The following DIAPH1 variants were observed in gnomAD, a reference collection of about 807,000 sequenced individuals.
DIAPH1 encodes the protein protein diaphanous homolog 1.
Under a neutral mutation model 140.7 loss-of-function variants are expected in DIAPH1, and 46 were observed. That is an observed-to-expected ratio of 0.33 (90% CI 0.26 to 0.42). The LOEUF (loss-of-function observed/expected upper bound fraction) is 0.42. DIAPH1 is among the 10% of genes least tolerant of loss of function. The pLI is 1.00. For missense variants in DIAPH1, 1,310 were observed against 1,558.7 expected (o/e 0.84, Z 2.69); for synonymous variants, 565 against 551.6 (o/e 1.02, Z -0.34).
chr5:141,552,937 C>T (rs1441927437), intron 18 of DIAPH1, among the ~76,000 whole-genome samples: 1 of 152,208 alleles, frequency 6.6e-6, no homozygotes, highest in Non-Finnish European at 1.5e-5. Context: ...TTAAGCTACT[C>T]AGTCTGTGGC....
intron 1 of DIAPH1, among the ~76,000 whole-genome samples, chr5:141,608,168 G>A (rs768304677): frequency 2.6e-5 from 4 of 152,182 alleles, no homozygotes; most frequent in Non-Finnish European, 4.4e-5. Flanking sequence ...AGCTGGGCCC[G>A]GTGGCCTGTG....
At chr5:141,575,592 T>C (rs1241703266) in intron 14 of DIAPH1, among the ~76,000 whole-genome samples, 2 of 151,506 alleles carry the variant, frequency 1.3e-5, no homozygotes, top group Admixed American at 1.3e-4. Context: ...GAGGTTGCAG[T>C]GAGCCGAGAT....
At chr5:141,589,861 G>A (rs2099898129) in intron 1 of DIAPH1, among the ~76,000 whole-genome samples, 1 of 151,898 alleles carries the variant, frequency 6.6e-6, no homozygotes, top group African/African-American at 2.4e-5. Flanking sequence ...TCTTCATCCT[G>A]CCTAATTTTA....
rs189630171 is a variant in DIAPH1 at position 141,530,971 on chromosome 5, T to A, written c.2582-1274A>T. Among the ~76,000 whole-genome samples the A allele has an allele frequency of 5.2e-3, 798 of 152,344 alleles. 4 individuals carry two copies. The highest frequency in any genetic ancestry group is 8.1e-3 in the Non-Finnish European group (548 of 68,028). ...ATCATATATACATAATCAAGTTTTT[T>A]AAATCTTACTCAATGTTCCTCTCTA... On this transcript the variant is annotated intron_variant, in intron 19 of 27. Transcript: ENST00000389054.
intron 18 of DIAPH1, among the ~76,000 whole-genome samples, chr5:141,566,779 C>T (rs1257320872): frequency 6.6e-6 from 1 of 152,138 alleles, no homozygotes; most frequent in Non-Finnish European, 1.5e-5. Context: ...CCTGTAATCC[C>T]AGCTACTCGG....
At chr5:141,585,819 T>C (rs2099897460) in intron 3 of DIAPH1, among the ~76,000 whole-genome samples, 1 of 152,096 alleles carries the variant, frequency 6.6e-6, no homozygotes, top group Non-Finnish European at 1.5e-5. Context: ...TAAATGAAAA[T>C]TGAGAATACC....
intron 18 of DIAPH1, among the ~76,000 whole-genome samples, chr5:141,535,894 A>G (rs1290140749): frequency 6.6e-6 from 1 of 152,228 alleles, no homozygotes; most frequent in East Asian, 1.9e-4. Context: ...TTTTGAACAC[A>G]ACCTTTTTAT....
rs756075138 is a variant in DIAPH1, at chr5:141,527,749, CTAA to C, written c.3149-55_3149-53del. The C allele has an allele frequency of 5.3e-6, 8 of 1,499,194 alleles. No individual in the cohort carries two copies. In the South Asian group the frequency reaches 1.0e-4, roughly 19 times the overall value. The allele number at this position is 1,499,194 out of a possible 1,614,324, so 92.9% of individuals were successfully genotyped here. ...CATAAAAACAGACAGCAAGAGCTTA[CTAA>C]TAATCCCAGCCTCAACACCCCTTAG... On this transcript the variant is annotated intron_variant, in intron 23 of 27. Transcript: ENST00000389054.
At chr5:141,528,375 T>C (rs892286982) in intron 23 of DIAPH1, 78 bp downstream of exon 23, 9 of 1,598,950 alleles carry the variant, frequency 5.6e-6, no homozygotes, top group African/African-American at 4.0e-5. Flanking sequence ...CTGAAAATGC[T>C]CTCACATCTA....
intron 1 of DIAPH1, 66 bp from the exon 2 acceptor site, chr5:141,588,316 A>G: frequency 1.7e-6 from 2 of 1,204,214 alleles, no homozygotes; most frequent in South Asian, 2.4e-5. Context: ...GAAACCTCCC[A>G]AACACCAGAC....
In DIAPH1 at chr5:141,575,084, G is replaced by C; in HGVS notation, c.1524C>G (p.Asp508Glu). 1 of 1,614,188 alleles carries C rather than the reference G, an allele frequency of 6.2e-7. No homozygotes were observed. Among genetic ancestry groups the C allele is most frequent in the East Asian group, 2.2e-5 (1 of 44,882 alleles). Reference protein sequence around the residue: ...LQVEMKKMESDFEQKLQDLQG... With the variant: ...LQVEMKKMESEFEQKLQDLQG... ...GAAGATCTTGAAGCTTCTGCTCAAA[G>C]TCACTTTCCATCTTTTTCATTTCCA... Residue 508 changes from aspartate to glutamate, a missense_variant, in exon 15 of 28, where the codon GAC (aspartate) becomes GAG (glutamate). This residue lies in a region of DIAPH1 where 589 missense variants were observed against 549.3 expected (regional missense o/e 1.07). Transcript: ENST00000389054.
At chr5:141,531,449 A>T (rs985449420) in intron 19 of DIAPH1, among the ~76,000 whole-genome samples, 1 of 151,926 alleles carries the variant, frequency 6.6e-6, no homozygotes, top group Non-Finnish European at 1.5e-5. Context: ...AGTGGCTGGG[A>T]CTATAGGCAT....
intron 11 of DIAPH1, among the ~76,000 whole-genome samples, 156 bp from the exon 12 acceptor site, chr5:141,577,747 T>C (rs1441405552): frequency 2.0e-5 from 3 of 152,214 alleles, no homozygotes; most frequent in African/African-American, 7.2e-5. Context: ...AACTTTAAGC[T>C]TTCTAAAACG....
At chr5:141,553,427 G>A (rs191383243) in intron 18 of DIAPH1, among the ~76,000 whole-genome samples, 2 of 152,226 alleles carry the variant, frequency 1.3e-5, no homozygotes, top group East Asian at 3.9e-4. Flanking sequence ...ATCACCTGAG[G>A]TCAGGAGTTC....
rs116677932 is a variant in DIAPH1, at chr5:141,612,652, G to C, written c.117+6146C>G. Among the ~76,000 whole-genome samples the C allele has an allele frequency of 3.7e-3, 571 of 152,280 alleles. 3 individuals are homozygous for C. Among genetic ancestry groups the C allele is most frequent in the African/African-American group, 0.012 (514 of 41,568 alleles). On this transcript the variant is annotated intron_variant, in intron 1 of 27. Transcript: ENST00000389054. The stretch of plus-strand genomic sequence containing the variant: ...GATGGGAGGACGAGGATGGGTGAGA[G>C]GGAGGGATAACAAAGAGAGAAGGAG...
chr5:141,618,243 G>A (rs752423286), intron 1 of DIAPH1, among the ~76,000 whole-genome samples: 2 of 152,236 alleles, frequency 1.3e-5, no homozygotes, highest in Non-Finnish European at 2.9e-5. Flanking sequence ...TGGGGGTAGG[G>A]CTCAAGTCAG....
At chr5:141,584,070 G>T in intron 4 of DIAPH1, 54 bp downstream of exon 4, 2 of 1,187,442 alleles carry the variant, frequency 1.7e-6, no homozygotes, top group Non-Finnish European at 2.5e-6. Context: ...AAAAAAACAG[G>T]TCCAAGACAA....
intron 17 of DIAPH1, 142 bp from the exon 18 acceptor site, chr5:141,571,578 T>C: frequency 1.3e-6 from 1 of 745,688 alleles, no homozygotes; most frequent in Non-Finnish European, 2.3e-6. Context: ...CCAACCCTTA[T>C]TAATTATGTA....
At chr5:141,522,659 T>C (rs1021799458) in intron 27 of DIAPH1, among the ~76,000 whole-genome samples, 1 of 151,856 alleles carries the variant, frequency 6.6e-6, no homozygotes, top group Non-Finnish European at 1.5e-5. Context: ...CCACATCACC[T>C]TGTGTGGTCA....
Sources: gnomAD v4.1 joint callset for allele counts (sites outside exome capture counted in the v4.1 genomes callset) on GRCh38, gnomAD v4.1.1 for gene constraint, gnomAD v4.1.1 regional missense constraint, MANE v1.5 for transcripts, NCBI Gene and HGNC (gene_info 2026-07-23, HGNC 2026-07-21) for gene names.